Variants in SGCG observed in about 807,000 individuals in gnomAD.
The protein encoded by SGCG is sarcoglycan gamma.
A neutral mutation model predicts 29.3 loss-of-function variants in SGCG; 26 were observed. The ratio of observed to expected loss-of-function variants is 0.89; its 90% CI spans 0.65 to 1.23. The LOEUF is 1.23. Ranked by LOEUF, SGCG falls within the 50% of genes most tolerant of loss-of-function variation. The probability of loss-of-function intolerance (pLI) is 0.00; values close to 1 mark genes in which losing one functional copy is unlikely to be tolerated. For synonymous variants in SGCG, 145 were observed against 129.7 expected, an observed-to-expected ratio of 1.12 and a Z score of -0.80; for missense variants, 353 against 356.0, an observed-to-expected ratio of 0.99 and a Z score of 0.07.
intron 6 of SGCG, among the ~76,000 whole-genome samples, chr13:23,307,217 C>T (rs1593102884): frequency 1.3e-5 from 2 of 152,116 alleles, no homozygotes; most frequent in South Asian, 2.1e-4. Context: ...GTCTGAGACT[C>T]CCCTGAAGAC....
intron 1 of SGCG, among the ~76,000 whole-genome samples, chr13:23,196,106 C>T (rs9507049): frequency 0.15 from 22,834 of 151,552 alleles, 1,857 homozygotes; most frequent in East Asian, 0.32. Flanking sequence ...CTAGAATTTC[C>T]CTAGGTTGTT....
chr13:23,167,979 C>T, the SGCG span, among the ~76,000 whole-genome samples: 7 of 152,224 alleles, frequency 4.6e-5, no homozygotes, highest in East Asian at 9.7e-4. Context: ...TCAGATGATC[C>T]GTGTGCCTCG....
chr13:23,224,684 C>CCCCCA (rs2137532926), intron 2 of SGCG, among the ~76,000 whole-genome samples: 1 of 57,060 alleles, frequency 1.8e-5, no homozygotes, highest in African/African-American at 7.3e-5. Context: ...ACACACACCC[C>CCCCCA]ACACCAGTGC....
chr13:23,295,303 C>T, intron 5 of SGCG, 112 bp from the exon 6 acceptor site: 1 of 922,790 alleles, frequency 1.1e-6, no homozygotes, highest in Non-Finnish European at 1.8e-6. Context: ...TGCAAAAATT[C>T]TGCAAGAAAG....
At chr13:23,307,133 A>G (rs967139691) in intron 6 of SGCG, among the ~76,000 whole-genome samples, 2 of 152,214 alleles carry the variant, frequency 1.3e-5, no homozygotes, top group East Asian at 1.9e-4. Flanking sequence ...AAAATACTAA[A>G]CAAAGTTACT....
intron 1 of SGCG, among the ~76,000 whole-genome samples, chr13:23,189,854 C>G (rs1877167236): frequency 6.6e-6 from 1 of 152,144 alleles, no homozygotes; most frequent in African/African-American, 2.4e-5. Context: ...GAACTGAACT[C>G]CCCTACCCTA....
chr13:23,181,119 A>G (rs1451646217), intron 1 of SGCG, 44 bp downstream of exon 1: 1 of 152,196 alleles, frequency 6.6e-6, no homozygotes, highest in African/African-American at 2.4e-5. Context: ...AGTACAAAGT[A>G]CTACCTAAAA....
At chr13:23,191,220 C>G (rs924076528) in intron 1 of SGCG, among the ~76,000 whole-genome samples, 5 of 152,104 alleles carry the variant, frequency 3.3e-5, no homozygotes, top group African/African-American at 1.2e-4. Context: ...TAATAGCATG[C>G]CTTTAATCTG....
Position 23,324,314 on chromosome 13 carries a change from G to C in SGCG, c.703-54G>C, listed in dbSNP as rs533659901. The C allele has an allele frequency of 8.7e-4, 1,350 of 1,544,502 alleles. 7 individuals are homozygous for C. In the African/African-American group the frequency reaches 9.8e-3, roughly 11 times the overall value. On this transcript the variant is annotated intron_variant, in intron 7 of 7. Coordinates refer to ENST00000218867, the MANE Select transcript of SGCG (RefSeq NM_000231.3). ...AATCTTGTGAGAATGGGGATTTGCT[G>C]CTGACCAGGGTGGCCCTTCCTTAAC...
chr13:23,234,735 A>G, intron 3 of SGCG, 23 bp downstream of exon 3: 1 of 1,442,584 alleles, frequency 6.9e-7, no homozygotes. Flanking sequence ...TAAGACAAAT[A>G]ATTTGTGCTT....
intron 4 of SGCG, among the ~76,000 whole-genome samples, chr13:23,257,982 G>C (rs1434466777): frequency 2.6e-5 from 4 of 151,914 alleles, no homozygotes; most frequent in African/African-American, 9.7e-5. Context: ...AGGTAGGGTG[G>C]TTCCTCCAGC....
intron 4 of SGCG, among the ~76,000 whole-genome samples, chr13:23,252,548 G>C (rs184883675): frequency 6.6e-6 from 1 of 152,160 alleles, no homozygotes; most frequent in Admixed American, 6.5e-5. Context: ...AAAATTAGCC[G>C]GGCGTGGTGG....
chr13:23,276,818 AT>A (rs1171759058), intron 4 of SGCG, among the ~76,000 whole-genome samples: 6 of 152,196 alleles, frequency 3.9e-5, no homozygotes, highest in Admixed American at 2.0e-4. Context: ...TGGACCATGG[AT>A]TCCTAGTCAA....
intron 6 of SGCG, among the ~76,000 whole-genome samples, chr13:23,299,289 ATCT>A (rs67006456): frequency 0.37 from 55,436 of 149,208 alleles, 10,895 homozygotes; most frequent in East Asian, 0.79. Flanking sequence ...TGATGGTCAT[ATCT>A]TCTTCTTCTG....
chr13:23,305,541 C>T (rs918268101), intron 6 of SGCG, among the ~76,000 whole-genome samples: 1 of 152,102 alleles, frequency 6.6e-6, no homozygotes, highest in African/African-American at 2.4e-5. Context: ...ATTGGATTTC[C>T]CAATGTCCTC....
chr13:23,254,619 A>G (rs553898439), intron 4 of SGCG, among the ~76,000 whole-genome samples: 2 of 152,228 alleles, frequency 1.3e-5, no homozygotes, highest in South Asian at 2.1e-4. Context: ...CTACAGAGCA[A>G]TCACTTACTA....
At chr13:23,189,343 T>C (rs1219139704) in intron 1 of SGCG, among the ~76,000 whole-genome samples, 1 of 152,098 alleles carries the variant, frequency 6.6e-6, no homozygotes, top group African/African-American at 2.4e-5. Flanking sequence ...CGCCTGGCTA[T>C]TTTTTGTATT....
intron 3 of SGCG, chr13:23,247,318 G>A (rs1278503890): frequency 6.6e-6 from 1 of 152,216 alleles, no homozygotes; most frequent in Non-Finnish European, 1.5e-5. Flanking sequence ...AGTAAACCAG[G>A]ACAGGATATT....
chr13:23,273,177 A>G (rs1025957767), intron 4 of SGCG, among the ~76,000 whole-genome samples: 4 of 130,152 alleles, frequency 3.1e-5, no homozygotes, highest in African/African-American at 1.1e-4. Context: ...TTGAATTACG[A>G]ACTTAGTTCT....
Sources: gnomAD v4.1 joint callset for allele counts (sites outside exome capture counted in the v4.1 genomes callset) on GRCh38, gnomAD v4.1.1 for gene constraint, MANE v1.5 for transcripts, NCBI Gene and HGNC (gene_info 2026-07-23, HGNC 2026-07-21) for gene names.